NRCAM: variants seen among roughly 807,000 people sequenced by gnomAD.
NRCAM encodes the protein neuronal cell adhesion molecule, also known as NgCAM-related cell adhesion molecule.
NRCAM carries 83 observed loss-of-function variants against 156.5 expected under a neutral mutation model. The observed-to-expected ratio is 0.53, with a 90% CI of 0.44 to 0.64. NRCAM has a LOEUF of 0.64. Among genes scored for constraint, NRCAM ranks in the 30% least tolerant of loss-of-function variants. The pLI, the probability that NRCAM is intolerant of heterozygous loss-of-function variation, is 0.00. For missense variants in NRCAM, 1,417 were observed against 1,597.3 expected, an observed-to-expected ratio of 0.89 and a Z score of 1.92; for synonymous variants, 538 against 563.9, an observed-to-expected ratio of 0.95 and a Z score of 0.65.
intron 1 of NRCAM, among the ~76,000 whole-genome samples, chr7:108,419,035 C>T (rs574921604): frequency 1.3e-5 from 2 of 152,016 alleles, no homozygotes; most frequent in East Asian, 1.9e-4. Context: ...ACTAGTTTCA[C>T]ACACACACAC....
At chr7:108,400,116 AAT>A (rs1423821946) in intron 1 of NRCAM, among the ~76,000 whole-genome samples, 1 of 152,222 alleles carries the variant, frequency 6.6e-6, no homozygotes, top group Non-Finnish European at 1.5e-5. Context: ...GCGGTAAGAA[AAT>A]ATGGCATCTG....
intron 1 of NRCAM, among the ~76,000 whole-genome samples, chr7:108,440,132 G>A (rs1358214186): frequency 6.6e-6 from 1 of 152,090 alleles, no homozygotes; most frequent in African/African-American, 2.4e-5. Context: ...ATCCACTGGT[G>A]AATACGTAAA....
chr7:108,321,064 C>G (rs1286294604), intron 2 of NRCAM, among the ~76,000 whole-genome samples: 2 of 152,192 alleles, frequency 1.3e-5, no homozygotes, highest in African/African-American at 4.8e-5. Context: ...CATTCAAGTT[C>G]AGAAAAGTTG....
intron 32 of NRCAM, among the ~76,000 whole-genome samples, chr7:108,159,065 G>A (rs964721789): frequency 9.9e-5 from 15 of 152,200 alleles, no homozygotes; most frequent in Admixed American, 9.2e-4. Context: ...ATGAAAAAGT[G>A]TGTTTACACT....
At chr7:108,293,588 T>C (rs1563139592) in intron 3 of NRCAM, among the ~76,000 whole-genome samples, 1 of 152,158 alleles carries the variant, frequency 6.6e-6, no homozygotes, top group African/African-American at 2.4e-5. Context: ...AGAAATCTTT[T>C]GTAGATTATT....
Position 108,219,275 on chromosome 7 carries a change from A to T in NRCAM, c.890+4450T>A, listed in dbSNP as rs191373800. On this transcript the variant is annotated intron_variant, in intron 11 of 32. Coordinates refer to ENST00000379028, the MANE Select transcript of NRCAM (RefSeq NM_001037132.4). Reference sequence around the variant, plus strand: ...GATTCACAGCAGAATTCTACCAGACATTCAAAGAAGAATTGGTACCAATCC... The same window carrying T: ...GATTCACAGCAGAATTCTACCAGACTTTCAAAGAAGAATTGGTACCAATCC... Among the ~76,000 whole-genome samples, 18 of 152,322 alleles carry T rather than the reference A, an allele frequency of 1.2e-4. 1 individual carries two copies. The East Asian group carries it at 3.3e-3, about 28-fold the overall frequency.
Position 108,197,698 on chromosome 7 carries a change from A to C in NRCAM, c.1351+258T>G, listed in dbSNP as rs141155864. On this transcript the variant is annotated intron_variant, in intron 14 of 32. Coordinates refer to ENST00000379028, the MANE Select transcript of NRCAM (RefSeq NM_001037132.4). ...TTTTCCTTTTGAGGGTTTGACACTT[A>C]GTCTAACCATCTGTAAGTAGAACAG... is the stretch of plus-strand genomic sequence containing the variant. Among the ~76,000 whole-genome samples, 79 of 152,340 alleles carry C rather than the reference A, an allele frequency of 5.2e-4. 1 individual carries two copies. The East Asian group carries it at 0.015, about 29-fold the overall frequency.
intron 20 of NRCAM, among the ~76,000 whole-genome samples, chr7:108,185,438 G>A (rs1420618647): frequency 6.6e-6 from 1 of 152,186 alleles, no homozygotes; most frequent in Non-Finnish European, 1.5e-5. Flanking sequence ...CTCTGAAGCT[G>A]TTAAAAATGA....
At chr7:108,229,639 A>T (rs1040737933) in intron 8 of NRCAM, among the ~76,000 whole-genome samples, 7 of 152,132 alleles carry the variant, frequency 4.6e-5, no homozygotes, top group African/African-American at 1.7e-4. Flanking sequence ...GGCAGGACTT[A>T]CGCACTAAGG....
chr7:108,418,719 A>T (rs16872542), intron 1 of NRCAM, among the ~76,000 whole-genome samples: 4,654 of 152,272 alleles, frequency 0.031, 120 homozygotes, highest in African/African-American at 0.072. Context: ...ATGAAGGCCC[A>T]TACTTAACAT....
intron 29 of NRCAM, among the ~76,000 whole-genome samples, chr7:108,167,580 T>A (rs769628663): frequency 6.6e-6 from 1 of 152,236 alleles, no homozygotes. Flanking sequence ...TCTAAAAACA[T>A]TTACTTGCAT....
chr7:108,336,373 G>A (rs2099190916), intron 2 of NRCAM, among the ~76,000 whole-genome samples: 1 of 152,002 alleles, frequency 6.6e-6, no homozygotes, highest in Non-Finnish European at 1.5e-5. Flanking sequence ...AAAAAGCACA[G>A]AAATTTTTTA....
intron 24 of NRCAM, among the ~76,000 whole-genome samples, chr7:108,181,615 C>CTT (rs34899360): frequency 0.67 from 100,017 of 148,362 alleles, 35,291 homozygotes; most frequent in East Asian, 0.95. Flanking sequence ...ATGGAGAAAA[C>CTT]TTTTTTTTTT....
At chr7:108,178,334 C>A in intron 25 of NRCAM, 1 of 503,344 alleles carries the variant, frequency 2.0e-6, no homozygotes, top group Non-Finnish European at 3.6e-6. Context: ...TAAAACCATC[C>A]TCTCAAAACA....
chr7:108,364,591 T>A (rs931465156), intron 2 of NRCAM, among the ~76,000 whole-genome samples: 7 of 152,144 alleles, frequency 4.6e-5, no homozygotes, highest in African/African-American at 1.7e-4. Context: ...ATAGACAAAA[T>A]GTGAAATCAA....
At position 108,150,141 on chromosome 7, in the gene NRCAM, T is replaced by G. The variant is rs2040390619; in HGVS notation, c.3684A>C (p.Ala1228=). 2 of 1,593,640 alleles carry G rather than the reference T, an allele frequency of 1.3e-6. No homozygotes were observed. The highest frequency in any genetic ancestry group is 3.7e-5 in the Admixed American group (2 of 53,518). ...DDGTFGEYSD[A]EDHKPLKKGS... ...CTTTTTTCAAAGGCTTGTGGTCTTC[T>G]GCATCACTGGAAGAAAGAGAAAACA... The change falls in exon 33 of 33, where the codon GCA becomes GCC. Residue 1228 remains alanine, a synonymous_variant. Transcript: ENST00000379028.
Position 108,237,748 on chromosome 7 carries a change from T to G in NRCAM, c.124+4A>C. Reference sequence around the variant, plus strand: ...TGCCTAGTAATTTATAGAAGGACACTTACAGTCTTCAAGAAGTTTTGCTTT... The same window carrying G: ...TGCCTAGTAATTTATAGAAGGACACGTACAGTCTTCAAGAAGTTTTGCTTT... On this transcript the variant is annotated splice_donor_region_variant and intron_variant, in intron 5 of 32. Coordinates refer to ENST00000379028, the MANE Select transcript of NRCAM (RefSeq NM_001037132.4). The G allele has an allele frequency of 6.3e-7, 1 of 1,592,228 alleles. No individual in the cohort carries two copies.
intron 11 of NRCAM, among the ~76,000 whole-genome samples, chr7:108,213,882 ATG>A (rs1267325900): frequency 6.6e-6 from 1 of 152,122 alleles, no homozygotes; most frequent in Non-Finnish European, 1.5e-5. Context: ...GGTTCTCTTT[ATG>A]TGATAGATTA....
At chr7:108,199,717 A>T (rs1269399189) in intron 13 of NRCAM, among the ~76,000 whole-genome samples, 8 of 152,194 alleles carry the variant, frequency 5.3e-5, no homozygotes, top group Non-Finnish European at 1.2e-4. Flanking sequence ...ATTGGGCCCA[A>T]ATTAGATAGT....
Sources: gnomAD v4.1 joint callset for allele counts (sites outside exome capture counted in the v4.1 genomes callset) on GRCh38, gnomAD v4.1.1 for gene constraint, MANE v1.5 for transcripts, NCBI Gene and HGNC (gene_info 2026-07-23, HGNC 2026-07-21) for gene names.